The following TMEM170A variants were observed in gnomAD, a reference collection of about 807,000 sequenced individuals.
TMEM170A encodes the protein transmembrane protein 170A.
In TMEM170A, 18 loss-of-function variants were observed where a neutral mutation model predicts 12.8. The ratio of observed to expected loss-of-function variants is 1.41; its 90% confidence interval spans 0.97 to 2.09. The LOEUF (loss-of-function observed/expected upper bound fraction) is 2.09. TMEM170A is among the 30% of genes most tolerant of loss of function. The probability of loss-of-function intolerance (pLI) is 0.00; values close to 1 mark genes in which losing one functional copy is unlikely to be tolerated. For synonymous variants in TMEM170A, 107 were observed against 76.2 expected (o/e 1.40, Z -2.11); for missense variants, 220 against 179.9 (o/e 1.22, Z -1.28).
Position 75,447,551 on chromosome 16 carries a change from A to G in TMEM170A, c.*7T>C. On this transcript the variant is annotated 3_prime_UTR_variant, in exon 3 of 3. Coordinates refer to ENST00000561878, the MANE Select transcript of TMEM170A (RefSeq NM_145254.3). ...TTAAGTTCAACATCTCAGCATAAGG[A>G]TGTATGCTATAGAGTAGCTAAAATC... The G allele has an allele frequency of 6.2e-7, 1 of 1,606,722 alleles. No homozygotes were observed.
At chr16:75,455,610 C>G (rs1351123867) in intron 1 of TMEM170A, among the ~76,000 whole-genome samples, 1 of 152,006 alleles carries the variant, frequency 6.6e-6, no homozygotes, top group Non-Finnish European at 1.5e-5. Context: ...GAAGACCAGC[C>G]TAGCCAACAT....
intron 1 of TMEM170A, 59 bp downstream of exon 1, chr16:75,464,409 C>A: frequency 7.2e-7 from 1 of 1,388,632 alleles, no homozygotes; most frequent in Non-Finnish European, 9.3e-7. Flanking sequence ...TCGGGGCGCC[C>A]ACAGCACGGC....
rs139365170 is a variant in TMEM170A at position 75,443,595 on chromosome 16, A to G, written c.*3963T>C. The G allele has an allele frequency of 1.2e-3, 178 of 152,326 alleles. No individual in the cohort carries two copies. Among genetic ancestry groups the G allele is most frequent in the African/African-American group, 3.9e-3 (162 of 41,574 alleles). The allele number at this position is 152,326 out of a possible 1,614,324, so 9.4% of individuals were successfully genotyped here. A position where few individuals can be genotyped will look rare whatever the true frequency, so the allele number is the denominator to read the frequency against. On this transcript the variant is annotated 3_prime_UTR_variant, in exon 3 of 3. Transcript: ENST00000561878. Reference sequence around the variant, plus strand: ...GGATACTGGAGGCAAAAGCCAAAATACAATTTAAAATCTTAAAAAAAATAA... The same window carrying G: ...GGATACTGGAGGCAAAAGCCAAAATGCAATTTAAAATCTTAAAAAAAATAA...
intron 1 of TMEM170A, among the ~76,000 whole-genome samples, chr16:75,454,616 C>A (rs572563215): frequency 9.2e-5 from 14 of 152,110 alleles, no homozygotes; most frequent in South Asian, 8.3e-4. Flanking sequence ...GCCTGGGAGA[C>A]AGAATGACAC....
chr16:75,461,037 A>C (rs1213941618), intron 1 of TMEM170A, among the ~76,000 whole-genome samples: 1 of 152,170 alleles, frequency 6.6e-6, no homozygotes, highest in Non-Finnish European at 1.5e-5. Context: ...CTGCATTTGC[A>C]GTTTAGCCAT....
intron 1 of TMEM170A, among the ~76,000 whole-genome samples, chr16:75,459,622 C>T (rs148424994): frequency 0.011 from 1,747 of 152,082 alleles, 38 homozygotes; most frequent in African/African-American, 0.036. Context: ...TTTAGGAGGC[C>T]GAGGTAGGAG....
chr16:75,462,277 T>C (rs1184522807), intron 1 of TMEM170A, among the ~76,000 whole-genome samples: 1 of 152,230 alleles, frequency 6.6e-6, no homozygotes, highest in Non-Finnish European at 1.5e-5. Context: ...TAAAGTGCAG[T>C]GGCGCAATCT....
At chr16:75,463,043 T>C (rs574548218) in intron 1 of TMEM170A, among the ~76,000 whole-genome samples, 1 of 152,196 alleles carries the variant, frequency 6.6e-6, no homozygotes, top group South Asian at 2.1e-4. Flanking sequence ...CATGTGGTTA[T>C]ATATATAGAG....
chr16:75,448,280 T>A (rs1002491392), intron 2 of TMEM170A, among the ~76,000 whole-genome samples: 9 of 152,340 alleles, frequency 5.9e-5, no homozygotes, highest in Middle Eastern at 6.8e-3. Context: ...AGAGGAGAGA[T>A]ACTCAGGGAT....
intron 1 of TMEM170A, among the ~76,000 whole-genome samples, chr16:75,463,082 G>C (rs1254712216): frequency 1.3e-5 from 2 of 152,164 alleles, no homozygotes; most frequent in Non-Finnish European, 2.9e-5. Flanking sequence ...GAGAGAGAAA[G>C]AGAAACAGAA....
At chr16:75,461,705 G>T (rs575228748) in intron 1 of TMEM170A, among the ~76,000 whole-genome samples, 1 of 152,140 alleles carries the variant, frequency 6.6e-6, no homozygotes, top group East Asian at 1.9e-4. Context: ...ATCTACTTGG[G>T]GTCAAGGGCT....
chr16:75,463,920 T>C (rs1034682292), intron 1 of TMEM170A, among the ~76,000 whole-genome samples: 1 of 152,126 alleles, frequency 6.6e-6, no homozygotes, highest in African/African-American at 2.4e-5. Flanking sequence ...CTGGGAAAGA[T>C]TCCTAGAAAG....
At chr16:75,448,780 G>A (rs2079630615) in intron 2 of TMEM170A, among the ~76,000 whole-genome samples, 2 of 150,224 alleles carry the variant, frequency 1.3e-5, no homozygotes, top group Non-Finnish European at 3.0e-5. Context: ...AAAAAGAACC[G>A]GCCAAGTACA....
intron 1 of TMEM170A, among the ~76,000 whole-genome samples, chr16:75,462,499 G>A (rs986269274): frequency 1.3e-5 from 2 of 152,230 alleles, no homozygotes; most frequent in African/African-American, 2.4e-5. Context: ...GTGAGCCACT[G>A]AGCCAGGCTG....
intron 1 of TMEM170A, among the ~76,000 whole-genome samples, chr16:75,463,045 T>C (rs37594): frequency 0.41 from 62,181 of 151,742 alleles, 13,422 homozygotes; most frequent in African/African-American, 0.55. Context: ...TGTGGTTATA[T>C]ATATAGAGAG....
At chr16:75,454,119 C>T (rs1000976576) in intron 1 of TMEM170A, among the ~76,000 whole-genome samples, 6 of 152,198 alleles carry the variant, frequency 3.9e-5, no homozygotes, top group South Asian at 2.1e-4. Flanking sequence ...CACCGCCCTC[C>T]GCCCTATTGA....
Position 75,443,922 on chromosome 16 carries a change from C to T in TMEM170A, c.*3636G>A, listed in dbSNP as rs1435814973. 2.0e-5 allele frequency: 3 copies of T among 152,076 alleles called. No individual in the cohort carries two copies. Among genetic ancestry groups the T allele is most frequent in the African/African-American group, 7.2e-5 (3 of 41,400 alleles). The allele number at this position is 152,076 out of a possible 1,614,324, so 9.4% of individuals were successfully genotyped here. On this transcript the variant is annotated 3_prime_UTR_variant, in exon 3 of 3. Transcript: ENST00000561878. ...TGTCCAACATAATCAAACCCTGTCT[C>T]TACTAAAAATACAAAAATTAGCTGG... is the stretch of plus-strand genomic sequence containing the variant.
At chr16:75,464,338 C>T in intron 1 of TMEM170A, 130 bp downstream of exon 1, 1 of 1,381,316 alleles carries the variant, frequency 7.2e-7, no homozygotes, top group Non-Finnish European at 9.4e-7. Context: ...AGCACGGCCC[C>T]CCTCCCGGAG....
At chr16:75,452,193 G>A (rs568686852) in intron 1 of TMEM170A, among the ~76,000 whole-genome samples, 1 of 151,820 alleles carries the variant, frequency 6.6e-6, no homozygotes, top group Non-Finnish European at 1.5e-5. Context: ...GGATGGTCTC[G>A]ATCTCCTGAC....
Sources: gnomAD v4.1 joint callset for allele counts (sites outside exome capture counted in the v4.1 genomes callset) on GRCh38, gnomAD v4.1.1 for gene constraint, MANE v1.5 for transcripts, NCBI Gene and HGNC (gene_info 2026-07-23, HGNC 2026-07-21) for gene names.